Variants in MACROD2 observed in about 807,000 individuals in gnomAD.
MACROD2 encodes ADP-ribose glycohydrolase MACROD2.
Under a neutral mutation model 70.4 loss-of-function variants are expected in MACROD2, and 36 were observed. The observed-to-expected ratio is 0.51, with a 90% CI of 0.39 to 0.68. MACROD2 has a LOEUF of 0.68. Ranked by LOEUF, MACROD2 falls within the 30% of genes least tolerant of loss-of-function variation. The probability of loss-of-function intolerance (pLI) is 0.00; values close to 1 mark genes in which losing one functional copy is unlikely to be tolerated. For synonymous variants in MACROD2, 172 were observed against 178.8 expected (o/e 0.96, Z 0.30); for missense variants, 496 against 538.4 (o/e 0.92, Z 0.78).
chr20:15,817,394 C>G (rs935254427), intron 8 of MACROD2, among the ~76,000 whole-genome samples: 1 of 152,256 alleles, frequency 6.6e-6, no homozygotes, highest in Non-Finnish European at 1.5e-5. Context: ...ATTGATCAGC[C>G]TCCCTGAATG....
chr20:14,329,691 T>A (rs1374991837), intron 3 of MACROD2, among the ~76,000 whole-genome samples: 1 of 152,110 alleles, frequency 6.6e-6, no homozygotes, highest in African/African-American at 2.4e-5. Flanking sequence ...GGTGAGCAAA[T>A]ACATTAACAA....
intron 6 of MACROD2, among the ~76,000 whole-genome samples, chr20:15,328,286 G>A (rs6043209): frequency 0.18 from 27,624 of 151,936 alleles, 2,997 homozygotes; most frequent in East Asian, 0.46. Flanking sequence ...TGGACACTGT[G>A]GCCAGAGGGA....
At chr20:14,626,374 A>G (rs867122386) in intron 4 of MACROD2, among the ~76,000 whole-genome samples, 1 of 152,148 alleles carries the variant, frequency 6.6e-6, no homozygotes, top group Non-Finnish European at 1.5e-5. Context: ...TCTTTCAGAT[A>G]TAGTATATAG....
intron 4 of MACROD2, among the ~76,000 whole-genome samples, chr20:14,618,074 A>G (rs915240571): frequency 2.7e-5 from 4 of 150,776 alleles, no homozygotes; most frequent in African/African-American, 9.8e-5. Context: ...GCTCACTTTA[A>G]TGGGTCTGCG....
chr20:15,270,642 C>CA (rs2077338189), intron 6 of MACROD2, among the ~76,000 whole-genome samples: 2 of 152,096 alleles, frequency 1.3e-5, no homozygotes, highest in Non-Finnish European at 2.9e-5. Flanking sequence ...ACCTTTTGGG[C>CA]AAAAATATAA....
intron 4 of MACROD2, among the ~76,000 whole-genome samples, chr20:14,590,243 G>A (rs917957725): frequency 6.6e-6 from 1 of 152,058 alleles, no homozygotes; most frequent in Non-Finnish European, 1.5e-5. Context: ...ACCATCTAGG[G>A]CAAAATGGAA....
intron 9 of MACROD2, among the ~76,000 whole-genome samples, chr20:15,872,155 G>C (rs2064594354): frequency 1.3e-5 from 2 of 152,142 alleles, no homozygotes; most frequent in Admixed American, 1.3e-4. Context: ...ATTTGCATTA[G>C]TAGGGCTAGA....
At chr20:15,810,439 C>T (rs1452793791) in intron 8 of MACROD2, among the ~76,000 whole-genome samples, 1 of 151,920 alleles carries the variant, frequency 6.6e-6, no homozygotes, top group Non-Finnish European at 1.5e-5. Flanking sequence ...GGAATCGCCA[C>T]ACTGACTTCC....
At chr20:14,459,455 GAT>G (rs1387934821) in intron 3 of MACROD2, among the ~76,000 whole-genome samples, 1 of 151,740 alleles carries the variant, frequency 6.6e-6, no homozygotes, top group Non-Finnish European at 1.5e-5. Context: ...ACATCTGAAA[GAT>G]ATTTATATAT....
intron 8 of MACROD2, among the ~76,000 whole-genome samples, chr20:15,834,304 C>A (rs554360359): frequency 5.3e-5 from 8 of 152,188 alleles, no homozygotes; most frequent in Non-Finnish European, 8.8e-5. Context: ...TGCACCACTG[C>A]ACTCCCGTCT....
At chr20:14,214,269 T>G (rs899192827) in intron 3 of MACROD2, among the ~76,000 whole-genome samples, 29 of 152,186 alleles carry the variant, frequency 1.9e-4, no homozygotes, top group African/African-American at 6.5e-4. Context: ...CTATGATTCC[T>G]GCCTTCAGGC....
intron 15 of MACROD2, among the ~76,000 whole-genome samples, chr20:16,023,442 C>G (rs1051313118): frequency 1.5e-4 from 22 of 143,150 alleles, no homozygotes; most frequent in African/African-American, 5.8e-4. Flanking sequence ...TCACTGCACT[C>G]CAGCCTAGGG....
At chr20:15,745,755 A>G (rs1038826856) in intron 8 of MACROD2, among the ~76,000 whole-genome samples, 3 of 152,110 alleles carry the variant, frequency 2.0e-5, no homozygotes, top group African/African-American at 4.8e-5. Context: ...GTAGTGGTAT[A>G]TTTTATTTTG....
chr20:15,761,964 G>C (rs76497379), intron 8 of MACROD2, among the ~76,000 whole-genome samples: 3,685 of 152,254 alleles, frequency 0.024, 165 homozygotes, highest in African/African-American at 0.085. Flanking sequence ...GGACAGGAAT[G>C]ATGCCCAAGG....
At chr20:15,922,626 G>A (rs1484287377) in intron 10 of MACROD2, among the ~76,000 whole-genome samples, 1 of 152,196 alleles carries the variant, frequency 6.6e-6, no homozygotes, top group Non-Finnish European at 1.5e-5. Context: ...GTCTCCGCTG[G>A]GGCAGTGCCT....
chr20:14,454,343 T>C (rs1286813016), intron 3 of MACROD2, among the ~76,000 whole-genome samples: 1 of 151,980 alleles, frequency 6.6e-6, no homozygotes, highest in African/African-American at 2.4e-5. Flanking sequence ...TATATATTTT[T>C]CTAGTTCTTA....
At chr20:14,693,079 T>C (rs2071082148) in intron 5 of MACROD2, among the ~76,000 whole-genome samples, 1 of 152,148 alleles carries the variant, frequency 6.6e-6, no homozygotes, top group Non-Finnish European at 1.5e-5. Context: ...ATGTGATCAA[T>C]AGGAAATAAC....
chr20:15,597,289 G>A (rs1010255227), intron 8 of MACROD2, among the ~76,000 whole-genome samples: 4 of 152,190 alleles, frequency 2.6e-5, no homozygotes, highest in East Asian at 1.9e-4. Context: ...GGCCTGAGGC[G>A]TGTCTCCACA....
intron 3 of MACROD2, among the ~76,000 whole-genome samples, chr20:14,148,463 T>C (rs894014084): frequency 6.6e-6 from 1 of 152,204 alleles, no homozygotes; most frequent in African/African-American, 2.4e-5. Flanking sequence ...TTTTATTAGG[T>C]CTTTTTTGGT....
Sources: gnomAD v4.1 joint callset for allele counts (sites outside exome capture counted in the v4.1 genomes callset) on GRCh38, gnomAD v4.1.1 for gene constraint, MANE v1.5 for transcripts, NCBI Gene and HGNC (gene_info 2026-07-23, HGNC 2026-07-21) for gene names.